KCNK9: variants seen among roughly 807,000 people sequenced by gnomAD.
The protein encoded by KCNK9 is potassium two pore domain channel subfamily K member 9.
KCNK9 carries 1 observed loss-of-function variant against 10.8 expected under a neutral mutation model. The ratio of observed to expected loss-of-function variants is 0.09; its 90% confidence interval spans 0.03 to 0.44. KCNK9 has a LOEUF of 0.44. Among genes scored for constraint, KCNK9 ranks in the 20% least tolerant of loss-of-function variants. The pLI is 0.97. For missense variants in KCNK9, 303 were observed against 515.0 expected, an observed-to-expected ratio of 0.59 and a Z score of 3.98; for synonymous variants, 231 against 222.7, an observed-to-expected ratio of 1.04 and a Z score of -0.33.
intron 1 of KCNK9, among the ~76,000 whole-genome samples, chr8:139,673,826 T>G (rs2129741876): frequency 6.6e-6 from 1 of 152,048 alleles, no homozygotes; most frequent in African/African-American, 2.4e-5. Flanking sequence ...AGAGGAAAGT[T>G]TTCATCCCAG....
chr8:139,662,020 G>A (rs1432466117), intron 1 of KCNK9, among the ~76,000 whole-genome samples: 1 of 152,216 alleles, frequency 6.6e-6, no homozygotes, highest in Non-Finnish European at 1.5e-5. Context: ...GGTCAGGATG[G>A]TGCTGGTGGG....
intron 1 of KCNK9, among the ~76,000 whole-genome samples, chr8:139,637,477 CT>C (rs1259156070): frequency 1.3e-5 from 2 of 152,170 alleles, no homozygotes; most frequent in Non-Finnish European, 2.9e-5. Flanking sequence ...GAATCTTGCT[CT>C]TTGTGACTAA....
chr8:139,606,526 G>A (rs960208666), intron 2 of KCNK9, among the ~76,000 whole-genome samples: 2 of 152,182 alleles, frequency 1.3e-5, no homozygotes, highest in African/African-American at 2.4e-5. Flanking sequence ...ATTTTGATGG[G>A]TGTGAGTTTG....
rs60572312 is a variant in KCNK9 at position 139,667,700 on chromosome 8, A to G, written c.283+35010T>C. Among the ~76,000 whole-genome samples the G allele has an allele frequency of 3.4e-3, 525 of 152,250 alleles. 4 individuals are homozygous for G. Among genetic ancestry groups the G allele is most frequent in the African/African-American group, 0.012 (509 of 41,546 alleles). On this transcript the variant is annotated intron_variant, in intron 1 of 1. Transcript: ENST00000520439. Reference sequence around the variant, plus strand: ...AACAGGGTGATACTCCATCTCAGAAAAAAAAATGGTCCTCACAACATTCCT... The same window carrying G: ...AACAGGGTGATACTCCATCTCAGAAGAAAAAATGGTCCTCACAACATTCCT...
At chr8:139,687,486 A>ATG (rs1816827537) in intron 1 of KCNK9, among the ~76,000 whole-genome samples, 1 of 68,148 alleles carries the variant, frequency 1.5e-5, no homozygotes, top group African/African-American at 5.6e-5. Context: ...ATGTATACAT[A>ATG]TATACACATA....
intron 1 of KCNK9, among the ~76,000 whole-genome samples, chr8:139,634,233 T>C (rs995153588): frequency 1.3e-5 from 2 of 152,324 alleles, no homozygotes; most frequent in African/African-American, 4.8e-5. Flanking sequence ...GGGAAGGTGA[T>C]TCCCTGATGA....
Position 139,702,640 on chromosome 8 carries a change from G to T in KCNK9, c.283+70C>A. 6.7e-7 allele frequency: 1 copy of T among 1,493,596 alleles called. No homozygotes were observed. The highest frequency in any genetic ancestry group is 9.0e-7 in the Non-Finnish European group (1 of 1,114,626). The allele number at this position is 1,493,596 out of a possible 1,614,324, so 92.5% of individuals were successfully genotyped here. A position where few individuals can be genotyped will look rare whatever the true frequency, so the allele number is the denominator to read the frequency against. ...CTCGACGCCCTGCACCCAGCCCGGC[G>T]CGGCGCGCTCAGCCGCCTCCCCGGA... On this transcript the variant is annotated intron_variant, in intron 1 of 1. Coordinates refer to ENST00000520439, the MANE Select transcript of KCNK9 (RefSeq NM_001282534.2). This position sits in a 1 kb window ranked among gnomAD's most constrained non-coding sequence, Gnocchi z 7.5.
At chr8:139,605,839 T>C (rs188270206) in intron 2 of KCNK9, among the ~76,000 whole-genome samples, 1 of 152,314 alleles carries the variant, frequency 6.6e-6, no homozygotes, top group Admixed American at 6.5e-5. Flanking sequence ...AAACATTAGT[T>C]ACTAGTTTTT....
chr8:139,666,911 G>A (rs1292315742), intron 1 of KCNK9, among the ~76,000 whole-genome samples: 2 of 152,240 alleles, frequency 1.3e-5, no homozygotes, highest in Non-Finnish European at 2.9e-5. Flanking sequence ...TGGCCCAGAG[G>A]GCTGAGTTTC....
At position 139,675,388 on chromosome 8, in the gene KCNK9, TG is replaced by T. The variant is rs1219225014; in HGVS notation, c.283+27321del. Among the ~76,000 whole-genome samples, 33 of 152,294 alleles carry T rather than the reference TG, an allele frequency of 2.2e-4. 1 individual carries two copies. Among genetic ancestry groups the T allele is most frequent in the African/African-American group, 7.2e-4 (30 of 41,556 alleles). ...ATATGTTAAAATTTTAATCCCAATG[TG>T]ACAGCATTAGGTGGGGCTGGTAGGA... is the stretch of plus-strand genomic sequence containing the variant. On this transcript the variant is annotated intron_variant, in intron 1 of 1. Transcript: ENST00000520439.
At chr8:139,607,555 G>A (rs1814265451) in intron 2 of KCNK9, among the ~76,000 whole-genome samples, 1 of 152,202 alleles carries the variant, frequency 6.6e-6, no homozygotes, top group Admixed American at 6.5e-5. Context: ...CACTGTCCAG[G>A]CATCTGGTTC....
intron 1 of KCNK9, among the ~76,000 whole-genome samples, chr8:139,694,469 G>A (rs112539161): frequency 7.2e-5 from 11 of 152,336 alleles, no homozygotes; most frequent in African/African-American, 2.6e-4. Flanking sequence ...TGAGCCAGAC[G>A]TGAGCCGCCC....
At chr8:139,637,915 C>T (rs771251143) in intron 1 of KCNK9, among the ~76,000 whole-genome samples, 11 of 152,050 alleles carry the variant, frequency 7.2e-5, no homozygotes, top group Non-Finnish European at 1.2e-4. Flanking sequence ...CTCCATGCCC[C>T]TCTTCCCATC....
At chr8:139,667,573 G>C (rs1296114137) in intron 1 of KCNK9, among the ~76,000 whole-genome samples, 1 of 152,090 alleles carries the variant, frequency 6.6e-6, no homozygotes, top group East Asian at 1.9e-4. Context: ...GTGCATGCCT[G>C]TAATCCCAGC....
intron 1 of KCNK9, among the ~76,000 whole-genome samples, chr8:139,683,075 C>T (rs1816723826): frequency 6.6e-6 from 1 of 152,112 alleles, no homozygotes; most frequent in Non-Finnish European, 1.5e-5. Flanking sequence ...TTTTAAAAAG[C>T]AAGATCCCAG....
chr8:139,619,044 G>A lies in KCNK9; in HGVS notation c.339C>T (p.Tyr113=), dbSNP rs34310262. Residue 113 remains tyrosine, a synonymous_variant, in exon 2 of 2, where the codon TAC becomes TAT. Transcript: ENST00000520439. The part of the protein sequence containing the change: ...TDAGKAFCMF[Y]AVLGIPLTLV... ...GTGTCAGCGGGATGCCCAGCACGGC[G>A]TAGAACATGCAGAAGGCCTTGCCCG... The A allele has an allele frequency of 6.4e-5, 104 of 1,614,212 alleles. No homozygotes were observed. The highest frequency in any genetic ancestry group is 2.9e-4 in the East Asian group (13 of 44,880).
intron 1 of KCNK9, among the ~76,000 whole-genome samples, chr8:139,683,620 C>T (rs1049847819): frequency 7.2e-5 from 11 of 152,200 alleles, no homozygotes; most frequent in African/African-American, 2.7e-4. Context: ...GAGTTGACCA[C>T]GGGTTACCAG....
At chr8:139,651,593 G>A (rs2545454) in intron 1 of KCNK9, among the ~76,000 whole-genome samples, 76,136 of 152,104 alleles carry the variant, frequency 0.5, 21,960 homozygotes, top group Non-Finnish European at 0.65. Flanking sequence ...GGGGTGGGGT[G>A]AGACTGGTGT....
intron 2 of KCNK9, among the ~76,000 whole-genome samples, chr8:139,607,107 T>C (rs1348158403): frequency 6.6e-6 from 1 of 152,260 alleles, no homozygotes. Context: ...TTGTTAATTG[T>C]GGGTTCTGCT....
Sources: gnomAD v4.1 joint callset for allele counts (sites outside exome capture counted in the v4.1 genomes callset) on GRCh38, gnomAD v4.1.1 for gene constraint, Gnocchi (gnomAD v3.1) non-coding constraint, MANE v1.5 for transcripts, NCBI Gene and HGNC (gene_info 2026-07-23, HGNC 2026-07-21) for gene names.